PIK3R4: variants seen among roughly 807,000 people sequenced by gnomAD.
PIK3R4 encodes phosphoinositide 3-kinase regulatory subunit 4.
A neutral mutation model predicts 136.5 loss-of-function variants in PIK3R4; 46 were observed. The ratio of observed to expected loss-of-function variants is 0.34; its 90% CI spans 0.27 to 0.43. PIK3R4 has a LOEUF of 0.43. Ranked by LOEUF, PIK3R4 falls within the 20% of genes least tolerant of loss-of-function variation. The pLI is 1.00. For synonymous variants in PIK3R4, 557 were observed against 566.7 expected (o/e 0.98, Z 0.24); for missense variants, 1,331 against 1,649.5 (o/e 0.81, Z 3.35).
Position 130,679,364 on chromosome 3 carries a change from C to A in PIK3R4, c.4028G>T (p.Gly1343Val). 1 of 1,612,780 alleles carries A rather than the reference C, an allele frequency of 6.2e-7. No individual in the cohort carries two copies. ...TDVATFQTTQ[G>V]FIVTASRDGI... ...ATCTCTAGAAGCAGTTACGATGAAG[C>A]CCTGTGTGGTCTGGAATGTGGCGAC... Residue 1343 changes from glycine (G) to valine (V), a missense_variant, in exon 20 of 20, where the codon GGC becomes GTC. Physicochemically the swap from Gly to Val is moderately radical, Grantham distance 109. This residue lies in a region of PIK3R4 where 1,180 missense variants were observed against 1,407.0 expected (regional missense o/e 0.84). Transcript: ENST00000356763.
rs755960229 is a variant in PIK3R4, at chr3:130,679,536, A to AT, written c.3907-52dup. On this transcript the variant is annotated intron_variant, in intron 19 of 19. Transcript: ENST00000356763. ...GCCAGAGGTTAAAAGTCTGTACCAC[A>AT]TTTTTCCTCTCGTCAGTAGTCCTGC... 6 of 1,353,786 alleles carry AT rather than the reference A, an allele frequency of 4.4e-6. No homozygotes were observed. The African/African-American group carries it at 7.3e-5, about 16-fold the overall frequency. 83.9% of individuals were successfully genotyped at this position (1,353,786 alleles called of 1,614,324 possible). A position where few individuals can be genotyped will look rare whatever the true frequency, so the allele number is the denominator to read the frequency against.
At position 130,733,864 on chromosome 3, in the gene PIK3R4, C is replaced by T; in HGVS notation, c.1134G>A (p.Leu378=). 6.2e-7 allele frequency: 1 copy of T among 1,614,056 alleles called. No homozygotes were observed. Among genetic ancestry groups the T allele is most frequent in the Non-Finnish European group, 8.5e-7 (1 of 1,179,982 alleles). ...GEPKENGLVI[L]VSVITSCLQT... Reference sequence around the variant, plus strand: ...GTAGGCAGGATGTTATAACAGATACCAAGATAACCAGCCCATTTTCCTTAG... The same window carrying T: ...GTAGGCAGGATGTTATAACAGATACTAAGATAACCAGCCCATTTTCCTTAG... The change falls in exon 4 of 20, where the codon TTG becomes TTA. Residue 378 remains leucine (L), a synonymous_variant. Coordinates refer to ENST00000356763, the MANE Select transcript of PIK3R4 (RefSeq NM_014602.3).
At chr3:130,695,507 T>C (rs1036243723) in intron 13 of PIK3R4, among the ~76,000 whole-genome samples, 1 of 152,136 alleles carries the variant, frequency 6.6e-6, no homozygotes, top group African/African-American at 2.4e-5. Context: ...TCCTGTTCCC[T>C]CCTGCCCAGG....
At chr3:130,697,797 T>C (rs918032585) in intron 13 of PIK3R4, among the ~76,000 whole-genome samples, 16 of 152,376 alleles carry the variant, frequency 1.1e-4, no homozygotes, top group Middle Eastern at 6.8e-3. Context: ...TACTTTTATA[T>C]TTACTTATGT....
chr3:130,680,509 C>A, intron 19 of PIK3R4, 104 bp downstream of exon 19: 1 of 545,528 alleles, frequency 1.8e-6, no homozygotes, highest in Admixed American at 3.6e-5. Flanking sequence ...TTCCTAAATT[C>A]AAAGTACTCC....
chr3:130,721,482 C>T (rs1371054542), intron 7 of PIK3R4, among the ~76,000 whole-genome samples: 2 of 152,040 alleles, frequency 1.3e-5, no homozygotes, highest in African/African-American at 4.8e-5. Flanking sequence ...CAAGAGTCGA[C>T]ATAGGAAATC....
Position 130,703,756 on chromosome 3 carries a change from C to T in PIK3R4, c.3065G>A (p.Ser1022Asn). ...SNDGTVKIWN[S>N]QKMEGKTTTT... ...GGTGGTCTTCCCCTCCATCTTTTGA[C>T]TGTTCCAGATTTTCACTGTGCCATC... is the stretch of plus-strand genomic sequence containing the variant. The change falls in exon 13 of 20, where the codon AGT becomes AAT. Residue 1022 changes from serine (S) to asparagine (N), a missense_variant. Ser to Asn is a conservative substitution (Grantham distance 46). Coordinates refer to ENST00000356763, the MANE Select transcript of PIK3R4 (RefSeq NM_014602.3). 2 of 1,613,450 alleles carry T rather than the reference C, an allele frequency of 1.2e-6. No individual in the cohort carries two copies. Among genetic ancestry groups the T allele is most frequent in the South Asian group, 1.1e-5 (1 of 91,036 alleles).
chr3:130,709,628 G>A (rs918336548), intron 9 of PIK3R4, among the ~76,000 whole-genome samples: 1 of 152,096 alleles, frequency 6.6e-6, no homozygotes, highest in African/African-American at 2.4e-5. Flanking sequence ...TATAGCTAAA[G>A]TAAGAGCTCT....
At chr3:130,715,552 A>G (rs1050040990) in intron 9 of PIK3R4, among the ~76,000 whole-genome samples, 5 of 152,220 alleles carry the variant, frequency 3.3e-5, no homozygotes, top group South Asian at 2.1e-4. Flanking sequence ...GGCTATGGAA[A>G]TGTCTTTTTT....
At chr3:130,686,571 T>C (rs1440058161) in intron 14 of PIK3R4, 149 bp from the exon 15 acceptor site, 4 of 600,400 alleles carry the variant, frequency 6.7e-6, no homozygotes, top group African/African-American at 1.9e-5. Flanking sequence ...ATTAAAAAAA[T>C]TCCAGATGTA....
chr3:130,690,521 T>C lies in PIK3R4; in HGVS notation c.3232A>G (p.Lys1078Glu). 1.2e-6 allele frequency: 2 copies of C among 1,613,444 alleles called. No individual in the cohort carries two copies. The highest frequency in any genetic ancestry group is 1.7e-6 in the Non-Finnish European group (2 of 1,179,646). ...LLGIEASKLPKSPKIHPLQSR... is the reference protein window; with the variant it reads ...LLGIEASKLPESPKIHPLQSR... ...TGTAGAGGATGGATTTTAGGAGACTTGGGCAGCTTAGAAGCCTCAATTCCA... is the reference window on the plus strand; with the variant it reads ...TGTAGAGGATGGATTTTAGGAGACTCGGGCAGCTTAGAAGCCTCAATTCCA... Residue 1078 changes from lysine to glutamate, a missense_variant, in exon 14 of 20, where the codon AAG becomes GAG. Physicochemically the swap from Lys to Glu is moderately conservative, Grantham distance 56. Coordinates refer to ENST00000356763, the MANE Select transcript of PIK3R4 (RefSeq NM_014602.3).
At chr3:130,685,536 C>T (rs1459342148) in intron 15 of PIK3R4, among the ~76,000 whole-genome samples, 1 of 152,156 alleles carries the variant, frequency 6.6e-6, no homozygotes, top group Non-Finnish European at 1.5e-5. Flanking sequence ...ACACTAGAAA[C>T]AACTCAGCTA....
At chr3:130,744,072 G>A (rs952789168) in intron 2 of PIK3R4, among the ~76,000 whole-genome samples, 9 of 152,090 alleles carry the variant, frequency 5.9e-5, no homozygotes, top group Admixed American at 5.2e-4. Flanking sequence ...CCACCATGAG[G>A]ACTAATTTAA....
rs573906619 is a variant in PIK3R4 at position 130,720,739 on chromosome 3, T to A, written c.1982-2205A>T. On this transcript the variant is annotated intron_variant, in intron 7 of 19. Coordinates refer to ENST00000356763, the MANE Select transcript of PIK3R4 (RefSeq NM_014602.3). ...TTACAAAGGAATCCAGGTGAGAGATTACAGCACCTGGGTATAGCAAAATTG... is the reference window on the plus strand; with the variant it reads ...TTACAAAGGAATCCAGGTGAGAGATAACAGCACCTGGGTATAGCAAAATTG... 1.2e-3 allele frequency among the ~76,000 whole-genome samples: 184 copies of A among 152,254 alleles called. 1 individual carries two copies. The Middle Eastern group carries it at 0.02, about 17-fold the overall frequency.
At chr3:130,680,544 A>C (rs2066451512) in intron 19 of PIK3R4, 69 bp downstream of exon 19, 10 of 767,182 alleles carry the variant, frequency 1.3e-5, no homozygotes, top group Non-Finnish European at 2.0e-5. Flanking sequence ...CATTTATTTT[A>C]ATCAATTCTG....
At chr3:130,698,004 T>C (rs543069039) in intron 13 of PIK3R4, among the ~76,000 whole-genome samples, 10 of 152,348 alleles carry the variant, frequency 6.6e-5, no homozygotes, top group Admixed American at 3.3e-4. Flanking sequence ...CACAGAATTA[T>C]TGGTTGACAG....
At chr3:130,705,843 G>GT in intron 11 of PIK3R4, 72 bp from the exon 12 acceptor site, 1 of 786,610 alleles carries the variant, frequency 1.3e-6, no homozygotes, top group East Asian at 2.6e-5. Flanking sequence ...GTGTATGCAT[G>GT]TTTTTATCTA....
chr3:130,709,194 T>TA (rs1192472744), intron 9 of PIK3R4, among the ~76,000 whole-genome samples: 1 of 152,158 alleles, frequency 6.6e-6, no homozygotes, highest in Non-Finnish European at 1.5e-5. Context: ...TTAATCCACC[T>TA]AAAATAGTGC....
rs182247129 is a variant in PIK3R4, at chr3:130,701,502, A to G, written c.3098+2221T>C. Among the ~76,000 whole-genome samples, 16 of 151,122 alleles carry G rather than the reference A, an allele frequency of 1.1e-4. No homozygotes were observed. The East Asian group carries it at 2.0e-3, about 18-fold the overall frequency. On this transcript the variant is annotated intron_variant, in intron 13 of 19. Transcript: ENST00000356763. ...ACTCCATCCTGGGCAACAGAGCGAG[A>G]CTGTCTCAAAAAAAAAAAAAGGCTA... is the stretch of plus-strand genomic sequence containing the variant.
Sources: allele counts gnomAD v4.1 joint callset (sites outside exome capture counted in the v4.1 genomes callset), GRCh38; gene constraint gnomAD v4.1.1; regional missense constraint gnomAD v4.1.1; transcripts MANE v1.5; gene names NCBI Gene and HGNC (gene_info 2026-07-23, HGNC 2026-07-21).